Variants in IRAG2 observed in about 807,000 individuals in gnomAD.
The protein encoded by IRAG2 is lymphoid restricted membrane protein.
Under a neutral mutation model 69.9 loss-of-function variants are expected in IRAG2, and 45 were observed. That is an observed-to-expected ratio of 0.64 (90% CI 0.51 to 0.83). The LOEUF is 0.83. Among genes scored for constraint, IRAG2 ranks in the 40% least tolerant of loss-of-function variants. The pLI, the probability that IRAG2 is intolerant of heterozygous loss-of-function variation, is 0.00. For synonymous variants in IRAG2, 193 were observed against 202.4 expected, an observed-to-expected ratio of 0.95 and a Z score of 0.40; for missense variants, 520 against 587.0, an observed-to-expected ratio of 0.89 and a Z score of 1.18.
rs11047794 is a variant in IRAG2, at chr12:25,058,849, A to G, written c.-446-2743A>G. Among the ~76,000 whole-genome samples, 208 of 152,344 alleles carry G rather than the reference A, an allele frequency of 1.4e-3. No homozygotes were observed. In the East Asian group the frequency reaches 0.032, roughly 23 times the overall value. On this transcript the variant is annotated intron_variant, in intron 1 of 21. Transcript: ENST00000556887. ...TCTATATGAAGCATATATTTGTTCT[A>G]GAGGCATTACAGGTCCAACTCCAAA...
chr12:25,001,482 GA>G (rs973865716), upstream of IRAG2, among the ~76,000 whole-genome samples: 1 of 151,558 alleles, frequency 6.6e-6, no homozygotes, highest in African/African-American at 2.4e-5. Context: ...ATGGTTAAAG[GA>G]AAAAAAATGC....
chr12:25,033,422 G>A (rs1053435567), intron 12 of IRAG2, among the ~76,000 whole-genome samples: 5 of 152,176 alleles, frequency 3.3e-5, no homozygotes, highest in African/African-American at 7.2e-5. Flanking sequence ...GAATATGCAC[G>A]CATCTACATT....
chr12:25,017,322 G>C, intron 6 of IRAG2: 1 of 1,231,618 alleles, frequency 8.1e-7, no homozygotes, highest in Non-Finnish European at 1.0e-6. Context: ...AGTGTGCGGG[G>C]AACTTTCATT....
chr12:25,078,648 C>A (rs541784507), intron 6 of IRAG2, among the ~76,000 whole-genome samples: 118 of 152,242 alleles, frequency 7.8e-4, no homozygotes, highest in South Asian at 2.1e-3. Context: ...AATAGGAATT[C>A]CTTGTAGAAA....
chr12:25,022,076 A>C (rs1944585572), intron 7 of IRAG2, among the ~76,000 whole-genome samples: 1 of 152,068 alleles, frequency 6.6e-6, no homozygotes, highest in African/African-American at 2.4e-5. Context: ...CCACATAGTC[A>C]CTCTAAGCCC....
At chr12:25,106,242 G>A (rs1949097436) in intron 20 of IRAG2, among the ~76,000 whole-genome samples, 1 of 151,104 alleles carries the variant, frequency 6.6e-6, no homozygotes, top group South Asian at 2.1e-4. Context: ...AAATTTAAAA[G>A]GAAGAGATAT....
intron 1 of IRAG2, among the ~76,000 whole-genome samples, chr12:25,054,174 A>G (rs569786781): frequency 6.6e-6 from 1 of 152,320 alleles, no homozygotes; most frequent in Admixed American, 6.5e-5. Flanking sequence ...AGTTTTCAAT[A>G]TTCTGATTCA....
chr12:25,106,274 TATACAC>T (rs1949099802), intron 20 of IRAG2, among the ~76,000 whole-genome samples: 1 of 150,536 alleles, frequency 6.6e-6, no homozygotes, highest in Admixed American at 6.6e-5. Context: ...TTGTTTTATA[TATACAC>T]ATACACACAC....
chr12:25,089,838 T>C (rs1565577965), intron 13 of IRAG2, 48 bp downstream of exon 13: 6 of 1,580,770 alleles, frequency 3.8e-6, no homozygotes, highest in Non-Finnish European at 5.2e-6. Flanking sequence ...TGTTCCAGAC[T>C]CACCTGCTAC....
In IRAG2 at chr12:25,108,068, A is replaced by G. The variant is rs1949339663; in HGVS notation, c.*8A>G. 1.2e-6 allele frequency: 2 copies of G among 1,611,806 alleles called. No homozygotes were observed. The highest frequency in any genetic ancestry group is 1.3e-5 in the African/African-American group (1 of 74,890). On this transcript the variant is annotated 3_prime_UTR_variant, in exon 22 of 22. Coordinates refer to ENST00000556887, the MANE Select transcript of IRAG2 (RefSeq NM_001366544.2). ...GGGCCACCACCAGTGTGACAGCAGG[A>G]CATCCTAATATATGGATCTTGATTT...
intron 10 of IRAG2, chr12:25,031,006 G>A: frequency 1.1e-5 from 11 of 983,364 alleles, no homozygotes; most frequent in Non-Finnish European, 1.3e-5. Flanking sequence ...TGTAGCCAAG[G>A]ATACCGGCTA....
Position 25,004,421 on chromosome 12 carries a change from AG to A in IRAG2, c.81del (p.Arg28GlufsTer34). ...TGTAGAAAGATCAGAGCCATCCACA[AG>A]AGAGAAGCAATTTCAAATCCAATTC... On this transcript the variant is annotated frameshift_variant, in exon 1 of 39. Coordinates refer to the IRAG2 transcript ENST00000636465. LOFTEE classifies it high-confidence loss of function. The A allele has an allele frequency of 8.1e-7, 1 of 1,232,174 alleles. No homozygotes were observed. The highest frequency in any genetic ancestry group is 1.0e-6 in the Non-Finnish European group (1 of 987,966). The allele number at this position is 1,232,174 out of a possible 1,614,324, so 76.3% of individuals were successfully genotyped here.
At chr12:25,037,523 T>C (rs1944711105) in intron 15 of IRAG2, among the ~76,000 whole-genome samples, 1 of 152,142 alleles carries the variant, frequency 6.6e-6, no homozygotes, top group African/African-American at 2.4e-5. Flanking sequence ...GATCTCAAAC[T>C]CCTGACTTCA....
At chr12:25,077,198 A>G (rs868141095) in intron 6 of IRAG2, among the ~76,000 whole-genome samples, 1 of 63,540 alleles carries the variant, frequency 1.6e-5, no homozygotes, top group Non-Finnish European at 3.7e-5. Flanking sequence ...ATATATATGA[A>G]ATATATATAT....
chr12:25,103,322 G>GT, intron 17 of IRAG2: 1 of 154,102 alleles, frequency 6.5e-6, no homozygotes, highest in South Asian at 2.0e-4. Context: ...AGCTATACAT[G>GT]TAGGTGCATA....
intron 16 of IRAG2, among the ~76,000 whole-genome samples, chr12:25,045,234 G>T (rs1229835763): frequency 6.6e-6 from 1 of 151,928 alleles, no homozygotes; most frequent in Admixed American, 6.6e-5. Context: ...AAATCTTTGG[G>T]ATGTAGAAAA....
At chr12:25,086,041 T>G (rs1054515170) in intron 10 of IRAG2, among the ~76,000 whole-genome samples, 16 of 152,142 alleles carry the variant, frequency 1.1e-4, no homozygotes, top group African/African-American at 3.6e-4. Flanking sequence ...CCTTTACTCT[T>G]TCATAGTAGA....
At chr12:25,021,897 T>C (rs1944584036) in intron 7 of IRAG2, among the ~76,000 whole-genome samples, 2 of 152,194 alleles carry the variant, frequency 1.3e-5, no homozygotes, top group African/African-American at 4.8e-5. Flanking sequence ...GCCAGGTCTT[T>C]TGTGACCCTG....
exon 1 of IRAG2, chr12:25,004,849 G>A (rs1218486594): frequency 8.1e-7 from 1 of 1,231,830 alleles, no homozygotes; most frequent in Non-Finnish European, 1.0e-6. Flanking sequence ...TTCCACCTTT[G>A]TTCAAAGCTT....
Sources: gnomAD v4.1 joint callset for allele counts (sites outside exome capture counted in the v4.1 genomes callset) on GRCh38, gnomAD v4.1.1 for gene constraint, MANE v1.5 for transcripts, NCBI Gene and HGNC (gene_info 2026-07-23, HGNC 2026-07-21) for gene names.